Variants in RNF169 observed in about 807,000 individuals in gnomAD.
RNF169 encodes the protein E3 ubiquitin-protein ligase RNF169.
Under a neutral mutation model 53.9 loss-of-function variants are expected in RNF169, and 24 were observed. The observed-to-expected ratio is 0.45, with a 90% CI of 0.32 to 0.63. The LOEUF is 0.63. Among genes scored for constraint, RNF169 ranks in the 20% least tolerant of loss-of-function variants. The probability of loss-of-function intolerance (pLI) is 0.04; values close to 1 mark genes in which losing one functional copy is unlikely to be tolerated. For synonymous variants in RNF169, 396 were observed against 363.5 expected (o/e 1.09, Z -1.02); for missense variants, 883 against 906.2 (o/e 0.97, Z 0.33).
At position 74,821,657 on chromosome 11, in the gene RNF169, CAAAAAAAAA is replaced by C. The variant is rs1230736435; in HGVS notation, c.842+3960_842+3968del. Among the ~76,000 whole-genome samples, 16 of 26,074 alleles carry C rather than the reference CAAAAAAAAA, an allele frequency of 6.1e-4. 1 individual carries two copies. The highest frequency in any genetic ancestry group is 8.0e-4 in the Non-Finnish European group (15 of 18,714). 17.1% of individuals were successfully genotyped at this position (26,074 alleles called of 152,430 possible). A position where few individuals can be genotyped will look rare whatever the true frequency, so the allele number is the denominator to read the frequency against. On this transcript the variant is annotated intron_variant, in intron 4 of 5. Transcript: ENST00000299563. ...TGGGCGACAGAGCGAGACTCCGTCT[CAAAAAAAAA>C]AAAAAAAAAAAAAAAAGAATACAAG...
In RNF169 at chr11:74,820,697, G is replaced by C. The variant is rs74510980; in HGVS notation, c.842+2983G>C. On this transcript the variant is annotated intron_variant, in intron 4 of 5. Coordinates refer to ENST00000299563, the MANE Select transcript of RNF169 (RefSeq NM_001098638.2). ...ATTAAGAGGACAAATCTTATTAAAA[G>C]TAATGGAATATGGCTGGAAAAGGAA... 2.0e-5 allele frequency among the ~76,000 whole-genome samples: 3 copies of C among 152,298 alleles called. No homozygotes were observed. The East Asian group carries it at 5.8e-4, about 29-fold the overall frequency.
intron 1 of RNF169, among the ~76,000 whole-genome samples, chr11:74,753,385 A>G (rs767271226): frequency 2.0e-5 from 3 of 152,252 alleles, no homozygotes; most frequent in Non-Finnish European, 4.4e-5. Context: ...GGGTCAACAG[A>G]AACAGCCTAA....
At chr11:74,756,150 G>C (rs1296126586) in intron 1 of RNF169, among the ~76,000 whole-genome samples, 3 of 152,156 alleles carry the variant, frequency 2.0e-5, no homozygotes, top group Admixed American at 1.3e-4. Flanking sequence ...GGTCTTCTGT[G>C]TGCTAGGTCT....
intron 4 of RNF169, among the ~76,000 whole-genome samples, chr11:74,819,530 C>T (rs1440143334): frequency 2.0e-5 from 3 of 152,172 alleles, no homozygotes; most frequent in East Asian, 1.9e-4. Context: ...GTGTCTGGCA[C>T]TTAGTAAGGG....
Position 74,836,623 on chromosome 11 carries a change from C to T in RNF169, c.2020C>T (p.Leu674=), listed in dbSNP as rs1214103678. The T allele has an allele frequency of 2.5e-6, 4 of 1,614,112 alleles. No individual in the cohort carries two copies. The highest frequency in any genetic ancestry group is 2.2e-5 in the South Asian group (2 of 91,080). The stretch of plus-strand genomic sequence containing the variant: ...AGAGGAAGAAGACCGACAGTTGGCT[C>T]TGCAGTTGCAGCGCATGTTCGACAA... ...QQEEEDRQLA[L]QLQRMFDNER... Residue 674 remains leucine, a synonymous_variant, in exon 6 of 6, where the codon CTG becomes TTG. Coordinates refer to ENST00000299563, the MANE Select transcript of RNF169 (RefSeq NM_001098638.2).
At chr11:74,764,043 A>G (rs2135316302) in intron 1 of RNF169, among the ~76,000 whole-genome samples, 1 of 152,362 alleles carries the variant, frequency 6.6e-6, no homozygotes, top group South Asian at 2.1e-4. Flanking sequence ...AAAAGCAGCA[A>G]CAAAACCACA....
intron 2 of RNF169, among the ~76,000 whole-genome samples, chr11:74,802,696 T>A (rs1439328084): frequency 6.6e-6 from 1 of 152,168 alleles, no homozygotes; most frequent in Non-Finnish European, 1.5e-5. Flanking sequence ...TGAGCAACTT[T>A]GTCATTTTTG....
rs924247835 is a variant in RNF169, at chr11:74,839,427, T to C, written c.*2697T>C. ...TCTCCTTCCATGATTCTGAAGTTGGTTAAAAGTCGATATGTTGATGTGTAT... is the reference window on the plus strand; with the variant it reads ...TCTCCTTCCATGATTCTGAAGTTGGCTAAAAGTCGATATGTTGATGTGTAT... On this transcript the variant is annotated 3_prime_UTR_variant, in exon 6 of 6. Transcript: ENST00000299563. 1 of 152,202 alleles carries C rather than the reference T, an allele frequency of 6.6e-6. No homozygotes were observed. Among genetic ancestry groups the C allele is most frequent in the Non-Finnish European group, 1.5e-5 (1 of 68,026 alleles). The allele number at this position is 152,202 out of a possible 1,614,324, so 9.4% of individuals were successfully genotyped here.
intron 1 of RNF169, among the ~76,000 whole-genome samples, chr11:74,752,367 C>T (rs3132908): frequency 0.34 from 52,007 of 151,128 alleles, 10,909 homozygotes; most frequent in African/African-American, 0.6. Flanking sequence ...GAGGCTAAGG[C>T]GGGCGGATCA....
At chr11:74,797,760 A>C (rs1363955543) in intron 2 of RNF169, among the ~76,000 whole-genome samples, 1 of 152,204 alleles carries the variant, frequency 6.6e-6, no homozygotes, top group Non-Finnish European at 1.5e-5. Flanking sequence ...TAGAAGGATC[A>C]TTTGAACCCA....
rs115966826 is a variant in RNF169, at chr11:74,764,456, C to T, written c.502+15074C>T. Among the ~76,000 whole-genome samples the T allele has an allele frequency of 7.6e-3, 1,157 of 152,186 alleles. 13 individuals carry two copies. The highest frequency in any genetic ancestry group is 0.026 in the African/African-American group (1,099 of 41,502). Reference sequence around the variant, plus strand: ...CAGGAGAATCGCTGAACCCAGGAGGCGGTGAGCCAAAATCCTACCATTGCA... The same window carrying T: ...CAGGAGAATCGCTGAACCCAGGAGGTGGTGAGCCAAAATCCTACCATTGCA... On this transcript the variant is annotated intron_variant, in intron 1 of 5. Transcript: ENST00000299563.
rs796632174 is a variant in RNF169, at chr11:74,786,047, T to C, written c.503-3579T>C. ...GCTCTGCCTCCCAGGTTCACACCATTCTCCTGTCTCAGCCTCCCAAGTAGC... is the reference window on the plus strand; with the variant it reads ...GCTCTGCCTCCCAGGTTCACACCATCCTCCTGTCTCAGCCTCCCAAGTAGC... On this transcript the variant is annotated intron_variant, in intron 1 of 5. Coordinates refer to ENST00000299563, the MANE Select transcript of RNF169 (RefSeq NM_001098638.2). 7.3e-5 allele frequency among the ~76,000 whole-genome samples: 11 copies of C among 151,524 alleles called. No homozygotes were observed. In the South Asian group the frequency reaches 1.3e-3, roughly 17 times the overall value.
rs753576914 is a variant in RNF169 at position 74,748,948 on chromosome 11, G to C, written c.68G>C (p.Gly23Ala). The change falls in exon 1 of 6, where the codon GGC (glycine) becomes GCC (alanine). Residue 23 changes from glycine to alanine, a missense_variant. Gly to Ala is a moderately conservative substitution (Grantham distance 60, BLOSUM62 0). Coordinates refer to ENST00000299563, the MANE Select transcript of RNF169 (RefSeq NM_001098638.2). ...GCAGCAGCCGCTCTGAGTCGGCGGG[G>C]CCGGCGGGGCCGCTGTGACGAGACG... The part of the protein sequence containing the change: ...AAAAAALSRR[G>A]RRGRCDETAA... The C allele has an allele frequency of 8.9e-6, 13 of 1,460,902 alleles. No homozygotes were observed. Among genetic ancestry groups the C allele is most frequent in the African/African-American group, 1.5e-5 (1 of 68,424 alleles). The allele number at this position is 1,460,902 out of a possible 1,614,324, so 90.5% of individuals were successfully genotyped here.
intron 1 of RNF169, among the ~76,000 whole-genome samples, chr11:74,786,332 G>A (rs2035502755): frequency 6.6e-6 from 1 of 151,120 alleles, no homozygotes; most frequent in Non-Finnish European, 1.5e-5. Context: ...TCCTGGGCTC[G>A]AGCAGTCCTT....
intron 1 of RNF169, among the ~76,000 whole-genome samples, chr11:74,775,208 G>A (rs184596999): frequency 6.6e-6 from 1 of 152,082 alleles, no homozygotes; most frequent in East Asian, 1.9e-4. Flanking sequence ...GGAGGAAATG[G>A]AATGAGCTAA....
At chr11:74,800,849 CT>C (rs148742248) in intron 2 of RNF169, among the ~76,000 whole-genome samples, 1,674 of 152,298 alleles carry the variant, frequency 0.011, 31 homozygotes, top group African/African-American at 0.036. Context: ...AAGTGTCCCC[CT>C]CTTCATTCAG....
chr11:74,778,742 C>A lies in RNF169; in HGVS notation c.503-10884C>A, dbSNP rs562539011. Among the ~76,000 whole-genome samples the A allele has an allele frequency of 5.9e-5, 9 of 152,332 alleles. No homozygotes were observed. The South Asian group carries it at 1.9e-3, about 32-fold the overall frequency. ...CCTTCATTCAACTCAAAAGTCAGGA[C>A]CTCTATGTCCCATATGGCCCATGTT... is the stretch of plus-strand genomic sequence containing the variant. On this transcript the variant is annotated intron_variant, in intron 1 of 5. Coordinates refer to ENST00000299563, the MANE Select transcript of RNF169 (RefSeq NM_001098638.2).
chr11:74,788,878 A>C (rs2035542639), intron 1 of RNF169, among the ~76,000 whole-genome samples: 1 of 152,234 alleles, frequency 6.6e-6, no homozygotes, highest in Non-Finnish European at 1.5e-5. Context: ...GAGGGCCACT[A>C]TAATGGGGTT....
Position 74,770,019 on chromosome 11 carries a change from T to C in RNF169, c.503-19607T>C, listed in dbSNP as rs144822946. ...GTTGCCCAGGTTGGTCTTGAACTCC[T>C]GGGTTCAAGCAATCCTCCTGCCTCA... On this transcript the variant is annotated intron_variant, in intron 1 of 5. Transcript: ENST00000299563. 5.9e-5 allele frequency among the ~76,000 whole-genome samples: 9 copies of C among 152,316 alleles called. No homozygotes were observed. In the East Asian group the frequency reaches 1.7e-3, roughly 29 times the overall value.
Sources: gnomAD v4.1 joint callset for allele counts (sites outside exome capture counted in the v4.1 genomes callset) on GRCh38, gnomAD v4.1.1 for gene constraint, MANE v1.5 for transcripts, NCBI Gene and HGNC (gene_info 2026-07-23, HGNC 2026-07-21) for gene names.